The following NFIL3 variants were observed in gnomAD, a reference collection of about 807,000 sequenced individuals.
NFIL3 encodes the protein nuclear factor, interleukin 3 regulated.
NFIL3 carries 5 observed loss-of-function variants against 10.0 expected under a neutral mutation model. That is an observed-to-expected ratio of 0.50 (90% CI 0.26 to 1.06). The LOEUF is 1.06. Among genes scored for constraint, NFIL3 ranks in the 50% least tolerant of loss-of-function variants. The probability of loss-of-function intolerance (pLI) is 0.13; values close to 1 mark genes in which losing one functional copy is unlikely to be tolerated. For missense variants in NFIL3, 436 were observed against 547.6 expected, an observed-to-expected ratio of 0.80 and a Z score of 2.03; for synonymous variants, 202 against 206.5, an observed-to-expected ratio of 0.98 and a Z score of 0.19.
At chr9:91,428,754 A>G (rs1437416738), upstream of NFIL3, among the ~76,000 whole-genome samples, 2 of 152,276 alleles carry the variant, frequency 1.3e-5, no homozygotes. Context: ...TGCAAAGAAG[A>G]GAAAATGTTG....
the NFIL3 span, among the ~76,000 whole-genome samples, chr9:91,465,940 A>G: frequency 6.6e-6 from 1 of 151,852 alleles, no homozygotes; most frequent in East Asian, 1.9e-4. Flanking sequence ...CACTGTTATT[A>G]TACTACAGCC....
At chr9:91,433,424 A>G in the NFIL3 span, among the ~76,000 whole-genome samples, 1 of 152,212 alleles carries the variant, frequency 6.6e-6, no homozygotes, top group South Asian at 2.1e-4. Context: ...TCTACTTACA[A>G]GCTTATTCAT....
the NFIL3 span, among the ~76,000 whole-genome samples, chr9:91,448,501 T>A: frequency 6.6e-6 from 1 of 152,128 alleles, no homozygotes; most frequent in Non-Finnish European, 1.5e-5. Context: ...ATGGAAGACA[T>A]TAATCTATTT....
upstream of NFIL3, chr9:91,427,015 T>C (rs932256758): frequency 2.6e-5 from 4 of 151,452 alleles, no homozygotes; most frequent in Non-Finnish European, 5.9e-5. Context: ...TTTTCAGCTC[T>C]CTCATCAATT....
intron 1 of NFIL3, among the ~76,000 whole-genome samples, chr9:91,422,514 C>T (rs1833789180): frequency 6.6e-6 from 1 of 152,122 alleles, no homozygotes; most frequent in South Asian, 2.1e-4. Context: ...CTGAGACTGT[C>T]CTACTTTCTT....
chr9:91,478,221 C>T, the NFIL3 span, among the ~76,000 whole-genome samples: 1 of 152,126 alleles, frequency 6.6e-6, no homozygotes, highest in African/African-American at 2.4e-5. Context: ...GGAAGTTCTC[C>T]TGGATAATAT....
the NFIL3 span, among the ~76,000 whole-genome samples, chr9:91,470,785 G>C: frequency 1.3e-5 from 2 of 152,176 alleles, no homozygotes; most frequent in African/African-American, 4.8e-5. Flanking sequence ...TTACCCAGTA[G>C]TCATTAAGGA....
At chr9:91,472,707 G>T in the NFIL3 span, among the ~76,000 whole-genome samples, 1 of 152,118 alleles carries the variant, frequency 6.6e-6, no homozygotes, top group African/African-American at 2.4e-5. Context: ...ACTTTTGTCA[G>T]CTCATCAAAG....
the NFIL3 span, among the ~76,000 whole-genome samples, chr9:91,453,208 A>T: frequency 6.6e-6 from 1 of 152,038 alleles, no homozygotes; most frequent in Non-Finnish European, 1.5e-5. Context: ...ACATGTTTGT[A>T]TCTGAATATC....
the NFIL3 span, among the ~76,000 whole-genome samples, chr9:91,474,089 T>C: frequency 3.3e-5 from 5 of 151,378 alleles, no homozygotes; most frequent in Non-Finnish European, 1.5e-5. Context: ...GGTTTTTGTT[T>C]TTTTTTTTTA....
rs953152814 is a variant in NFIL3, at chr9:91,410,658, A to G, written c.77T>C (p.Met26Thr). ...LDASSNVDKM[M>T]VLNSALTEVS... ...TTCCGTTAAAGCAGAATTAAGGACC[A>G]TCATCTTGTCCACATTGCTACTGGC... Residue 26 changes from methionine (M) to threonine (T), a missense_variant, in exon 2 of 2, where the codon ATG (methionine) becomes ACG (threonine). Transcript: ENST00000297689. The surrounding 1 kb of genome is among the most constrained non-coding windows in gnomAD (Gnocchi z 5.7). 9.3e-6 allele frequency: 15 copies of G among 1,613,928 alleles called. No homozygotes were observed. Among genetic ancestry groups the G allele is most frequent in the Non-Finnish European group, 1.2e-5 (14 of 1,180,000 alleles).
At chr9:91,413,069 G>A (rs1050983060) in intron 1 of NFIL3, among the ~76,000 whole-genome samples, 2 of 152,032 alleles carry the variant, frequency 1.3e-5, no homozygotes, top group African/African-American at 2.4e-5. Flanking sequence ...CCATTAAACT[G>A]AGCCAACATA....
intron 1 of NFIL3, among the ~76,000 whole-genome samples, chr9:91,413,288 GCCC>G (rs1272950134): frequency 6.6e-6 from 1 of 150,628 alleles, no homozygotes; most frequent in Non-Finnish European, 1.5e-5. Flanking sequence ...TCGCTCTGCT[GCCC>G]AGGCTAGAGT....
At chr9:91,466,246 A>G in the NFIL3 span, among the ~76,000 whole-genome samples, 3 of 152,172 alleles carry the variant, frequency 2.0e-5, no homozygotes, top group African/African-American at 7.2e-5. Context: ...TGGACTTTAC[A>G]ATGACAACAA....
rs1301121976 is a variant in NFIL3 at position 91,413,463 on chromosome 9, C to T, written c.-172-2557G>A. On this transcript the variant is annotated intron_variant, in intron 1 of 1. Transcript: ENST00000297689. Reference sequence around the variant, plus strand: ...ACGGGATTTTACCATGTTGGTCAGGCTGGTCTTGAACTCCTGATCTCAGGT... The same window carrying T: ...ACGGGATTTTACCATGTTGGTCAGGTTGGTCTTGAACTCCTGATCTCAGGT... Among the ~76,000 whole-genome samples the T allele has an allele frequency of 2.6e-5, 4 of 152,158 alleles. No individual in the cohort carries two copies. In the East Asian group the frequency reaches 7.7e-4, roughly 29 times the overall value.
the NFIL3 span, among the ~76,000 whole-genome samples, chr9:91,439,023 A>G: frequency 6.6e-6 from 1 of 152,136 alleles, no homozygotes; most frequent in South Asian, 2.1e-4. Flanking sequence ...TTCCATATGA[A>G]TTTCTGAACT....
chr9:91,413,445 T>C (rs527255176), intron 1 of NFIL3, among the ~76,000 whole-genome samples: 2 of 152,084 alleles, frequency 1.3e-5, no homozygotes, highest in African/African-American at 4.8e-5. Context: ...GAGACGGGAT[T>C]TTACCATGTT....
At chr9:91,448,372 G>A in the NFIL3 span, among the ~76,000 whole-genome samples, 1 of 152,152 alleles carries the variant, frequency 6.6e-6, no homozygotes, top group African/African-American at 2.4e-5. Context: ...CGGAGTACGT[G>A]CAAAAAGAAC....
At chr9:91,442,499 A>T in the NFIL3 span, among the ~76,000 whole-genome samples, 1 of 152,074 alleles carries the variant, frequency 6.6e-6, no homozygotes, top group Non-Finnish European at 1.5e-5. Flanking sequence ...TGCTCAGCTT[A>T]TGCTACCAGC....
Sources: allele counts gnomAD v4.1 joint callset (sites outside exome capture counted in the v4.1 genomes callset), GRCh38; gene constraint gnomAD v4.1.1; non-coding constraint Gnocchi (gnomAD v3.1); transcripts MANE v1.5; gene names NCBI Gene and HGNC (gene_info 2026-07-23, HGNC 2026-07-21).